The following GRM7 variants were observed in gnomAD, a reference collection of about 807,000 sequenced individuals.
GRM7 encodes the protein metabotropic glutamate receptor 7.
In GRM7, 35 loss-of-function variants were observed where a neutral mutation model predicts 84.5. The ratio of observed to expected loss-of-function variants is 0.41; its 90% CI spans 0.32 to 0.55. The LOEUF is 0.55. GRM7 is among the 20% of genes least tolerant of loss of function. GRM7 has a pLI of 0.19. For missense variants in GRM7, 1,003 were observed against 1,194.6 expected, an observed-to-expected ratio of 0.84 and a Z score of 2.36; for synonymous variants, 487 against 455.1, an observed-to-expected ratio of 1.07 and a Z score of -0.89.
intron 1 of GRM7, among the ~76,000 whole-genome samples, chr3:7,121,073 G>T (rs1424106113): frequency 2.0e-5 from 3 of 151,974 alleles, no homozygotes; most frequent in Non-Finnish European, 4.4e-5. Context: ...CAGGATTCTT[G>T]ACATATATAG....
At chr3:7,724,460 C>A (rs952113467) in intron 9 of GRM7, among the ~76,000 whole-genome samples, 4 of 152,156 alleles carry the variant, frequency 2.6e-5, no homozygotes, top group African/African-American at 9.7e-5. Context: ...AGATACTCTT[C>A]ATTATTCCCT....
intron 4 of GRM7, among the ~76,000 whole-genome samples, chr3:7,403,962 T>C (rs1695568522): frequency 6.6e-6 from 1 of 151,898 alleles, no homozygotes; most frequent in African/African-American, 2.4e-5. Context: ...TGCACAATCG[T>C]ATAGAGTAGA....
At chr3:7,431,576 T>C (rs1696831756) in intron 5 of GRM7, among the ~76,000 whole-genome samples, 1 of 152,218 alleles carries the variant, frequency 6.6e-6, no homozygotes, top group African/African-American at 2.4e-5. Context: ...GTAACTTGAC[T>C]AGCCACTTGT....
At chr3:7,634,667 G>A (rs1050912692) in intron 8 of GRM7, among the ~76,000 whole-genome samples, 41 of 151,754 alleles carry the variant, frequency 2.7e-4, no homozygotes, top group African/African-American at 9.2e-4. Flanking sequence ...GGCGGTGTGC[G>A]CCTGTAGTCC....
chr3:7,026,492 G>A (rs1440595527), intron 1 of GRM7, among the ~76,000 whole-genome samples: 8 of 152,136 alleles, frequency 5.3e-5, no homozygotes, highest in South Asian at 2.1e-4. Context: ...TTCTATCCCC[G>A]GGAATTTTCT....
At chr3:6,879,734 G>A (rs1695438107) in intron 1 of GRM7, among the ~76,000 whole-genome samples, 1 of 152,214 alleles carries the variant, frequency 6.6e-6, no homozygotes, top group Admixed American at 6.5e-5. Context: ...CTGGGAACCT[G>A]AGGTTAGAAT....
intron 7 of GRM7, among the ~76,000 whole-genome samples, chr3:7,472,625 A>G (rs1482966912): frequency 1.3e-5 from 2 of 152,198 alleles, no homozygotes; most frequent in Non-Finnish European, 2.9e-5. Flanking sequence ...GCATAGCCCC[A>G]TCCACTGAAA....
At chr3:6,987,941 A>G (rs10490861) in intron 1 of GRM7, among the ~76,000 whole-genome samples, 16,665 of 151,320 alleles carry the variant, frequency 0.11, 1,496 homozygotes, top group East Asian at 0.26. Flanking sequence ...GACTCTCTGC[A>G]TGAACTGTCC....
At chr3:7,518,275 A>G (rs1380504129) in intron 7 of GRM7, among the ~76,000 whole-genome samples, 3 of 152,188 alleles carry the variant, frequency 2.0e-5, no homozygotes, top group African/African-American at 7.2e-5. Context: ...TGTAACTATG[A>G]TAATGGAAGT....
At position 7,426,869 on chromosome 3, in the gene GRM7, C is replaced by T. The variant is rs185600370; in HGVS notation, c.1174+11706C>T. 2.0e-3 allele frequency among the ~76,000 whole-genome samples: 310 copies of T among 152,280 alleles called. 2 individuals carry two copies. The highest frequency in any genetic ancestry group is 7.1e-3 in the African/African-American group (293 of 41,548). ...TTGAGAAACTACTAATTTTACTTTC[C>T]AGGCTTAAAACCAAAAATCTGCTTT... is the stretch of plus-strand genomic sequence containing the variant. On this transcript the variant is annotated intron_variant, in intron 5 of 9. Transcript: ENST00000357716.
rs567462991 is a variant in GRM7, at chr3:7,157,818, C to T, written c.736+11150C>T. On this transcript the variant is annotated intron_variant, in intron 2 of 9. Transcript: ENST00000357716. ...CTTGAAATGTAGAAGCGGCAGAAGA[C>T]AGGCCTTGTTCCTGCATTCTTCCCT... Among the ~76,000 whole-genome samples, 6 of 151,776 alleles carry T rather than the reference C, an allele frequency of 4.0e-5. No individual in the cohort carries two copies. In the East Asian group the frequency reaches 1.2e-3, roughly 29 times the overall value.
intron 1 of GRM7, among the ~76,000 whole-genome samples, chr3:6,921,688 GAAATGGGTGTTGAAGGTTCCTACC>G (rs1697130266): frequency 6.6e-6 from 1 of 152,028 alleles, no homozygotes; most frequent in African/African-American, 2.4e-5. Flanking sequence ...ATAGACCTCC[GAAATGGGTGTTGAAGGTTCCTACC>G]AAGGGATCTG....
At chr3:7,421,408 C>A (rs772043037) in intron 5 of GRM7, among the ~76,000 whole-genome samples, 1 of 152,032 alleles carries the variant, frequency 6.6e-6, no homozygotes, top group African/African-American at 2.4e-5. Flanking sequence ...AAAAAATGAA[C>A]TTTTGGTTGT....
intron 3 of GRM7, among the ~76,000 whole-genome samples, chr3:7,300,217 A>G (rs1276547705): frequency 6.6e-6 from 1 of 152,144 alleles, no homozygotes; most frequent in African/African-American, 2.4e-5. Flanking sequence ...TTCAGGGTAA[A>G]GGTTTAATGG....
intron 1 of GRM7, among the ~76,000 whole-genome samples, chr3:6,987,229 G>A (rs1407314641): frequency 6.6e-6 from 1 of 152,118 alleles, no homozygotes; most frequent in South Asian, 2.1e-4. Flanking sequence ...GCACTGCTTG[G>A]CATGTACTGC....
rs181617656 is a variant in GRM7 at position 6,979,255 on chromosome 3, C to T, written c.519+117348C>T. On this transcript the variant is annotated intron_variant, in intron 1 of 9. Coordinates refer to ENST00000357716, the MANE Select transcript of GRM7 (RefSeq NM_000844.4). ...TGATTTCTACAGCAGGGTAGGTCAG[C>T]CATGATCATCTCAAGCCACGCTACA... is the stretch of plus-strand genomic sequence containing the variant. Among the ~76,000 whole-genome samples, 37 of 152,204 alleles carry T rather than the reference C, an allele frequency of 2.4e-4. No homozygotes were observed. In the East Asian group the frequency reaches 7.0e-3, roughly 29 times the overall value.
intron 1 of GRM7, among the ~76,000 whole-genome samples, chr3:6,992,412 A>G (rs1457907834): frequency 6.6e-6 from 1 of 152,236 alleles, no homozygotes; most frequent in Non-Finnish European, 1.5e-5. Context: ...TCACAAAAAC[A>G]AGAACAAATT....
At chr3:7,414,848 G>A (rs1454246829) in intron 4 of GRM7, among the ~76,000 whole-genome samples, 175 bp from the exon 5 acceptor site, 3 of 151,044 alleles carry the variant, frequency 2.0e-5, no homozygotes, top group Non-Finnish European at 4.4e-5. Flanking sequence ...ATTTAGTCAT[G>A]GATTAATGCA....
intron 1 of GRM7, among the ~76,000 whole-genome samples, chr3:6,924,030 G>T (rs756157386): frequency 6.6e-6 from 1 of 152,146 alleles, no homozygotes; most frequent in African/African-American, 2.4e-5. Flanking sequence ...TAACTTTTTA[G>T]ATTTGCTAGC....
Sources: gnomAD v4.1 joint callset for allele counts (sites outside exome capture counted in the v4.1 genomes callset) on GRCh38, gnomAD v4.1.1 for gene constraint, MANE v1.5 for transcripts, NCBI Gene and HGNC (gene_info 2026-07-23, HGNC 2026-07-21) for gene names.